The following ACOX3 variants were observed in gnomAD, a reference collection of about 807,000 sequenced individuals.
ACOX3 encodes peroxisomal acyl-coenzyme A oxidase 3.
ACOX3 carries 73 observed loss-of-function variants against 81.5 expected under a neutral mutation model. That is an observed-to-expected ratio of 0.90 (90% CI 0.74 to 1.09). ACOX3 has a LOEUF of 1.09. Among genes scored for constraint, ACOX3 ranks in the 50% least tolerant of loss-of-function variants. The pLI is 0.00. For missense variants in ACOX3, 947 were observed against 928.0 expected, an observed-to-expected ratio of 1.02 and a Z score of -0.27; for synonymous variants, 387 against 375.1, an observed-to-expected ratio of 1.03 and a Z score of -0.37.
Position 8,423,569 on chromosome 4 carries a change from T to C in ACOX3, c.-14-7034A>G, listed in dbSNP as rs1436278827. 6.6e-6 allele frequency among the ~76,000 whole-genome samples: 1 copy of C among 152,124 alleles called. No individual in the cohort carries two copies. The highest frequency in any genetic ancestry group is 1.5e-5 in the Non-Finnish European group (1 of 68,012). On this transcript the variant is annotated intron_variant, in intron 1 of 17. Coordinates refer to ENST00000356406, the MANE Select transcript of ACOX3 (RefSeq NM_003501.3). This position sits in a 1 kb window ranked among gnomAD's most constrained non-coding sequence, Gnocchi z 4.2. ...AATAGCCCCTGCAATACTCCAATTT[T>C]AGGAGTACAGAAACCCAATGGACAG...
intron 7 of ACOX3, among the ~76,000 whole-genome samples, chr4:8,404,785 T>C (rs768828975): frequency 1.3e-5 from 2 of 152,204 alleles, no homozygotes; most frequent in African/African-American, 2.4e-5. Context: ...TGAAACACTA[T>C]ATGAAACACG....
intron 14 of ACOX3, among the ~76,000 whole-genome samples, chr4:8,376,210 T>G (rs1469408099): frequency 6.6e-6 from 1 of 152,202 alleles, no homozygotes; most frequent in Non-Finnish European, 1.5e-5. Context: ...TCAAAAACAT[T>G]TGCTGATAAT....
chr4:8,397,259 C>T (rs1719819100), intron 8 of ACOX3, 140 bp from the exon 9 acceptor site: 2 of 783,216 alleles, frequency 2.6e-6, no homozygotes, highest in Non-Finnish European at 3.8e-6. Flanking sequence ...CCCCAGGGCG[C>T]CCAAGACACA....
intron 5 of ACOX3, among the ~76,000 whole-genome samples, chr4:8,411,662 C>A (rs1018637596): frequency 2.0e-5 from 3 of 152,242 alleles, no homozygotes; most frequent in African/African-American, 7.2e-5. Context: ...ACAGATCTTT[C>A]CCACTGTCTC....
intron 14 of ACOX3, among the ~76,000 whole-genome samples, chr4:8,378,525 C>T (rs958067858): frequency 1.3e-5 from 2 of 151,626 alleles, no homozygotes; most frequent in African/African-American, 4.9e-5. Context: ...CATCTTTTTA[C>T]TCCCAGGCTG....
At chr4:8,409,637 G>T (rs1721464876) in intron 6 of ACOX3, among the ~76,000 whole-genome samples, 1 of 148,230 alleles carries the variant, frequency 6.7e-6, no homozygotes, top group Admixed American at 6.7e-5. Flanking sequence ...GTGCACTGTG[G>T]GCAGGGCTGT....
At chr4:8,402,581 G>T in intron 7 of ACOX3, among the ~76,000 whole-genome samples, 1 of 152,148 alleles carries the variant, frequency 6.6e-6, no homozygotes, top group Admixed American at 6.5e-5. Flanking sequence ...AAACATTCCC[G>T]TGAGTTTCAA....
At chr4:8,409,985 G>A (rs1280823057) in intron 6 of ACOX3, among the ~76,000 whole-genome samples, 1 of 151,342 alleles carries the variant, frequency 6.6e-6, no homozygotes, top group Non-Finnish European at 1.5e-5. Context: ...CACTGTGGAC[G>A]GGGCTATCTG....
intron 1 of ACOX3, among the ~76,000 whole-genome samples, chr4:8,422,316 T>A (rs1723034176): frequency 6.6e-6 from 1 of 152,174 alleles, no homozygotes; most frequent in South Asian, 2.1e-4. Flanking sequence ...CAGGGTAAAT[T>A]TAAAACCTAT....
rs758671602 is a variant in ACOX3, at chr4:8,389,183, C to T, written c.1527G>A (p.Leu509=). The T allele has an allele frequency of 6.2e-7, 1 of 1,613,660 alleles. No individual in the cohort carries two copies. Among genetic ancestry groups the T allele is most frequent in the Admixed American group, 1.7e-5 (1 of 59,994 alleles). The change falls in exon 13 of 18, where the codon TTG becomes TTA. Residue 509 remains leucine, a synonymous_variant. Transcript: ENST00000356406. The surrounding 1 kb of genome is among the most constrained non-coding windows in gnomAD (Gnocchi z 5.3). ...KFEVSSVADC[L]DSAVALAAYK... ...CACCTGTGTGTTTACCTGCAGAGTCCAAGCAGTCGGCAACACTGGAGACCT... is the reference window on the plus strand; with the variant it reads ...CACCTGTGTGTTTACCTGCAGAGTCTAAGCAGTCGGCAACACTGGAGACCT...
At chr4:8,378,793 G>A (rs966353351) in intron 14 of ACOX3, among the ~76,000 whole-genome samples, 3 of 152,242 alleles carry the variant, frequency 2.0e-5, no homozygotes, top group Non-Finnish European at 2.9e-5. Context: ...GTTACTGGCA[G>A]GAGCCAGAAA....
At chr4:8,396,747 TC>T (rs1406822586) in intron 9 of ACOX3, among the ~76,000 whole-genome samples, 189 bp downstream of exon 9, 1 of 151,158 alleles carries the variant, frequency 6.6e-6, no homozygotes, top group African/African-American at 2.4e-5. Context: ...TCGTATCTAC[TC>T]TTTTTAAATT....
In ACOX3 at chr4:8,366,997, G is replaced by A. The variant is rs1460989443; in HGVS notation, c.2067C>T (p.Asn689=). ...ATTTCAGACTTCCTATGACAGGTTT[G>A]TTCACAGAAAACTCTGGCCACCAGG... ...RASWWPEFSV[N]KPVIGSLKSK... Residue 689 remains asparagine, a synonymous_variant, in exon 18 of 18, where the codon AAC becomes AAT. Coordinates refer to ENST00000356406, the MANE Select transcript of ACOX3 (RefSeq NM_003501.3). 2 of 1,614,110 alleles carry A rather than the reference G, an allele frequency of 1.2e-6. No individual in the cohort carries two copies. Among genetic ancestry groups the A allele is most frequent in the Admixed American group, 3.3e-5 (2 of 60,022 alleles).
rs1717730255 is a variant in ACOX3, at chr4:8,382,082, T to C, written c.1538-475A>G. 6.6e-6 allele frequency among the ~76,000 whole-genome samples: 1 copy of C among 152,194 alleles called. No individual in the cohort carries two copies. The highest frequency in any genetic ancestry group is 1.5e-5 in the Non-Finnish European group (1 of 68,026). On this transcript the variant is annotated intron_variant, in intron 13 of 17. Coordinates refer to ENST00000356406, the MANE Select transcript of ACOX3 (RefSeq NM_003501.3). The surrounding 1 kb of genome is among the most constrained non-coding windows in gnomAD (Gnocchi z 4.1). ...CGTTCGCCTCCCCCTGCCTGGCCCT[T>C]GGACCTCACCGCATGCTGGAGCTGT...
At chr4:8,426,680 T>G (rs1723521060) in intron 1 of ACOX3, among the ~76,000 whole-genome samples, 1 of 151,964 alleles carries the variant, frequency 6.6e-6, no homozygotes, top group Non-Finnish European at 1.5e-5. Flanking sequence ...GAAACCCCAC[T>G]TTCACCATCC....
In ACOX3 at chr4:8,368,650, C is replaced by A. The variant is rs1391855884; in HGVS notation, c.1984-1570G>T. ...GGATGGTCTCAACTCCCCTGCAGCT[C>A]TGTTTGTTCGCTTATAGTGAATTTC... On this transcript the variant is annotated intron_variant, in intron 17 of 17. Coordinates refer to ENST00000356406, the MANE Select transcript of ACOX3 (RefSeq NM_003501.3). This position sits in a 1 kb window ranked among gnomAD's most constrained non-coding sequence, Gnocchi z 5.9. 6.6e-6 allele frequency among the ~76,000 whole-genome samples: 1 copy of A among 151,872 alleles called. No individual in the cohort carries two copies. The highest frequency in any genetic ancestry group is 1.9e-4 in the East Asian group (1 of 5,180).
chr4:8,395,035 T>C, intron 9 of ACOX3: 1 of 283,966 alleles, frequency 3.5e-6, no homozygotes, highest in South Asian at 4.1e-5. Flanking sequence ...AAAGTGCCAG[T>C]CTATCTGTGA....
rs902711421 is a variant in ACOX3 at position 8,366,759 on chromosome 4, C to T, written c.*202G>A. On this transcript the variant is annotated 3_prime_UTR_variant, in exon 18 of 18. Transcript: ENST00000356406. ...ATTTCTTTTCCACGCTGCAAATCACCGCGATCCCAGATTAGTCCAGCCGGC... is the reference window on the plus strand; with the variant it reads ...ATTTCTTTTCCACGCTGCAAATCACTGCGATCCCAGATTAGTCCAGCCGGC... The T allele has an allele frequency of 3.8e-5, 21 of 551,224 alleles. No homozygotes were observed. The highest frequency in any genetic ancestry group is 5.3e-5 in the Non-Finnish European group (17 of 322,440). The allele number at this position is 551,224 out of a possible 1,614,324, so 34.1% of individuals were successfully genotyped here. A position where few individuals can be genotyped will look rare whatever the true frequency, so the allele number is the denominator to read the frequency against.
chr4:8,374,181 C>G (rs538340375), intron 15 of ACOX3: 1 of 159,672 alleles, frequency 6.3e-6, no homozygotes, highest in African/African-American at 2.4e-5. Flanking sequence ...CGTTCGGGAG[C>G]ACATCTGTGG....
Sources: gnomAD v4.1 joint callset for allele counts (sites outside exome capture counted in the v4.1 genomes callset) on GRCh38, gnomAD v4.1.1 for gene constraint, Gnocchi (gnomAD v3.1) non-coding constraint, MANE v1.5 for transcripts, NCBI Gene and HGNC (gene_info 2026-07-23, HGNC 2026-07-21) for gene names.